Variants in CLVS1 observed in about 807,000 individuals in gnomAD.
The protein encoded by CLVS1 is clavesin-1.
A neutral mutation model predicts 33.1 loss-of-function variants in CLVS1; 10 were observed. The ratio of observed to expected loss-of-function variants is 0.30; its 90% CI spans 0.19 to 0.51. The LOEUF is 0.51. Ranked by LOEUF, CLVS1 falls within the 20% of genes least tolerant of loss-of-function variation. CLVS1 has a pLI of 0.97. For synonymous variants in CLVS1, 163 were observed against 166.1 expected, an observed-to-expected ratio of 0.98 and a Z score of 0.14; for missense variants, 343 against 433.4, an observed-to-expected ratio of 0.79 and a Z score of 1.85.
chr8:61,281,658 C>T (rs1189875197), intron 2 of CLVS1, among the ~76,000 whole-genome samples: 2 of 152,128 alleles, frequency 1.3e-5, no homozygotes, highest in Non-Finnish European at 2.9e-5. Context: ...ACAGAGAGTG[C>T]CCTTCCATTT....
intron 1 of CLVS1, among the ~76,000 whole-genome samples, chr8:61,088,139 C>CAGAT (rs1805159022): frequency 6.6e-6 from 1 of 152,144 alleles, no homozygotes; most frequent in African/African-American, 2.4e-5. Context: ...TTGAAGCATG[C>CAGAT]AGATATATTT....
At chr8:61,135,518 TTGA>T (rs1411774521) in intron 2 of CLVS1, among the ~76,000 whole-genome samples, 1 of 151,958 alleles carries the variant, frequency 6.6e-6, no homozygotes, top group Non-Finnish European at 1.5e-5. Context: ...TGAAGAAGGT[TTGA>T]TGAGGGAGTA....
chr8:61,174,807 CA>C (rs1471623001), intron 2 of CLVS1, among the ~76,000 whole-genome samples: 3 of 152,118 alleles, frequency 2.0e-5, no homozygotes, highest in African/African-American at 7.2e-5. Context: ...AGAGTAAATG[CA>C]AAATGACATG....
At chr8:61,148,383 C>A (rs1806458943) in intron 2 of CLVS1, among the ~76,000 whole-genome samples, 1 of 152,156 alleles carries the variant, frequency 6.6e-6, no homozygotes, top group South Asian at 2.1e-4. Context: ...TGACAACATC[C>A]ACAGTACAAA....
chr8:61,482,488 A>G (rs1818233996), intron 5 of CLVS1, among the ~76,000 whole-genome samples: 1 of 152,206 alleles, frequency 6.6e-6, no homozygotes, highest in Non-Finnish European at 1.5e-5. Context: ...TAACTAGAAT[A>G]AACAGTGTAG....
intron 2 of CLVS1, among the ~76,000 whole-genome samples, chr8:61,132,089 AG>A (rs1481107009): frequency 2.3e-4 from 35 of 152,358 alleles, no homozygotes; most frequent in African/African-American, 8.2e-4. Context: ...CACACATAAA[AG>A]TCTTAAAGGC....
chr8:61,187,795 C>G (rs1019833698), intron 2 of CLVS1, among the ~76,000 whole-genome samples: 2 of 149,100 alleles, frequency 1.3e-5, no homozygotes. Context: ...TGTATAAAAT[C>G]TTATACATAG....
chr8:61,214,423 C>T (rs1808041785), intron 2 of CLVS1, among the ~76,000 whole-genome samples: 1 of 152,090 alleles, frequency 6.6e-6, no homozygotes, highest in African/African-American at 2.4e-5. Flanking sequence ...GTACTCTGTC[C>T]CTTTATTTCT....
intron 4 of CLVS1, among the ~76,000 whole-genome samples, chr8:61,458,044 A>G (rs1273589857): frequency 6.6e-6 from 1 of 152,256 alleles, no homozygotes; most frequent in Non-Finnish European, 1.5e-5. Flanking sequence ...AGATGACTGT[A>G]TGTGTAAATT....
At chr8:61,082,357 A>G (rs898457907) in intron 1 of CLVS1, among the ~76,000 whole-genome samples, 1 of 152,216 alleles carries the variant, frequency 6.6e-6, no homozygotes, top group African/African-American at 2.4e-5. Context: ...AAGAAAAAGA[A>G]AAAGGAAGAG....
chr8:61,112,550 A>G (rs1805647896), intron 1 of CLVS1, among the ~76,000 whole-genome samples: 1 of 152,252 alleles, frequency 6.6e-6, no homozygotes, highest in African/African-American at 2.4e-5. Flanking sequence ...GATTTGAAAT[A>G]ATTAGCCAAT....
At chr8:61,306,922 T>C (rs1380308442) in intron 2 of CLVS1, among the ~76,000 whole-genome samples, 3 of 152,200 alleles carry the variant, frequency 2.0e-5, no homozygotes, top group African/African-American at 7.2e-5. Context: ...GCACTATGGG[T>C]ACATAAGTGC....
At chr8:61,337,592 C>T (rs1212019473) in intron 2 of CLVS1, among the ~76,000 whole-genome samples, 1 of 152,150 alleles carries the variant, frequency 6.6e-6, no homozygotes, top group Non-Finnish European at 1.5e-5. Context: ...TTCTGCCTTC[C>T]AGATCGGCCC....
At chr8:61,279,399 C>T (rs1171830930) in intron 2 of CLVS1, among the ~76,000 whole-genome samples, 3 of 152,212 alleles carry the variant, frequency 2.0e-5, no homozygotes, top group Non-Finnish European at 4.4e-5. Flanking sequence ...GACCAATTCC[C>T]TCTTTTTCTA....
intron 2 of CLVS1, among the ~76,000 whole-genome samples, chr8:61,197,674 C>G (rs554019793): frequency 6.6e-6 from 1 of 152,180 alleles, no homozygotes; most frequent in African/African-American, 2.4e-5. Context: ...CGCCTGCCCC[C>G]ACACCCCGCT....
At chr8:61,061,659 C>A (rs913744342) in intron 1 of CLVS1, among the ~76,000 whole-genome samples, 3 of 151,996 alleles carry the variant, frequency 2.0e-5, no homozygotes, top group African/African-American at 4.8e-5. Context: ...GATTCGCTCA[C>A]ATGGGAGTTC....
intron 2 of CLVS1, among the ~76,000 whole-genome samples, chr8:61,320,937 A>G (rs951340804): frequency 5.9e-5 from 9 of 152,120 alleles, no homozygotes; most frequent in Non-Finnish European, 1.3e-4. Flanking sequence ...TGTGTTATGG[A>G]TGCCATCATT....
intron 3 of CLVS1, among the ~76,000 whole-genome samples, chr8:61,445,951 C>A (rs1274975427): frequency 6.6e-6 from 1 of 152,060 alleles, no homozygotes; most frequent in East Asian, 1.9e-4. Flanking sequence ...ATGTAGAGTT[C>A]TTTATAGTAT....
the CLVS1 span, among the ~76,000 whole-genome samples, chr8:61,028,697 G>T: frequency 6.6e-6 from 1 of 152,284 alleles, no homozygotes; most frequent in Non-Finnish European, 1.5e-5. Context: ...GGGATGGGTT[G>T]TTGCCACAGT....
Sources: gnomAD v4.1 joint callset for allele counts (sites outside exome capture counted in the v4.1 genomes callset) on GRCh38, gnomAD v4.1.1 for gene constraint, MANE v1.5 for transcripts, NCBI Gene and HGNC (gene_info 2026-07-23, HGNC 2026-07-21) for gene names.